Variants in ALDH1L2 observed in about 807,000 individuals in gnomAD.
The protein encoded by ALDH1L2 is aldehyde dehydrogenase 1 family member L2, also known as mitochondrial 10-formyltetrahydrofolate dehydrogenase.
ALDH1L2 carries 91 observed loss-of-function variants against 111.0 expected under a neutral mutation model. That is an observed-to-expected ratio of 0.82 (90% CI 0.69 to 0.98). ALDH1L2 has a LOEUF of 0.98. ALDH1L2 is among the 50% of genes least tolerant of loss of function. The pLI is 0.00. For missense variants in ALDH1L2, 995 were observed against 1,126.8 expected, an observed-to-expected ratio of 0.88 and a Z score of 1.67; for synonymous variants, 374 against 392.6, an observed-to-expected ratio of 0.95 and a Z score of 0.56.
Position 105,023,608 on chromosome 12 carries a change from C to T in ALDH1L2, c.*816G>A, listed in dbSNP as rs1004328972. ...GCAATGAATTCTCCTATTAAGGGTC[C>T]TGAGGAAGGCATTTACTATCCCTGT... is the stretch of plus-strand genomic sequence containing the variant. On this transcript the variant is annotated 3_prime_UTR_variant, in exon 23 of 23. Coordinates refer to ENST00000258494, the MANE Select transcript of ALDH1L2 (RefSeq NM_001034173.4). The T allele has an allele frequency of 1.3e-5, 2 of 152,062 alleles. No individual in the cohort carries two copies. The highest frequency in any genetic ancestry group is 4.8e-5 in the African/African-American group (2 of 41,388). The allele number at this position is 152,062 out of a possible 1,614,324, so 9.4% of individuals were successfully genotyped here.
chr12:105,056,893 G>C (rs1876661173), intron 10 of ALDH1L2, among the ~76,000 whole-genome samples: 1 of 151,384 alleles, frequency 6.6e-6, no homozygotes, highest in Admixed American at 6.6e-5. Context: ...GAAAGCACAA[G>C]TGGCAAAAGA....
At chr12:105,048,408 T>C (rs10746009) in intron 13 of ALDH1L2, 63,748 of 152,018 alleles carry the variant, frequency 0.42, 13,617 homozygotes, top group South Asian at 0.54. Flanking sequence ...CCTTAGCAGA[T>C]AGAGATGGCC....
In ALDH1L2 at chr12:105,058,179, A is replaced by C; in HGVS notation, c.1181T>G (p.Leu394Trp). Reference sequence around the variant, plus strand: ...GGCCATATAGACATCTTCATTCTGCAACTGAAGCCCACCACATTTCTGTCT... The same window carrying C: ...GGCCATATAGACATCTTCATTCTGCCACTGAAGCCCACCACATTTCTGTCT... ...EIRQKCGGLQ[L>W]QNEDVYMATK... Residue 394 changes from leucine (L) to tryptophan (W), a missense_variant, in exon 10 of 23, where the codon TTG (leucine) becomes TGG (tryptophan). Leu to Trp is a moderately conservative substitution (Grantham distance 61, BLOSUM62 -2). Transcript: ENST00000258494. The C allele has an allele frequency of 1.9e-6, 3 of 1,611,828 alleles. No homozygotes were observed. The highest frequency in any genetic ancestry group is 2.5e-6 in the Non-Finnish European group (3 of 1,179,188).
chr12:105,052,987 C>A, intron 10 of ALDH1L2, 56 bp from the exon 11 acceptor site: 1 of 1,583,848 alleles, frequency 6.3e-7, no homozygotes, highest in Non-Finnish European at 8.7e-7. Flanking sequence ...AATTTGATGT[C>A]AAACAGCAAT....
At position 105,062,817 on chromosome 12, in the gene ALDH1L2, T is replaced by G. The variant is rs746328683; in HGVS notation, c.921+71A>C. 4.7e-5 allele frequency: 73 copies of G among 1,539,938 alleles called. No homozygotes were observed. The Middle Eastern group carries it at 6.0e-4, about 13-fold the overall frequency. On this transcript the variant is annotated intron_variant, in intron 7 of 22. Transcript: ENST00000258494. Reference sequence around the variant, plus strand: ...CCAGCCAGCAATGGAGTGAAAGCTATTCCCTTAATAGCTTGGGTTATAGAA... The same window carrying G: ...CCAGCCAGCAATGGAGTGAAAGCTAGTCCCTTAATAGCTTGGGTTATAGAA...
At chr12:105,046,217 A>AT (rs1875888244) in intron 15 of ALDH1L2, among the ~76,000 whole-genome samples, 1 of 32,732 alleles carries the variant, frequency 3.1e-5, no homozygotes, top group East Asian at 1.0e-3. Context: ...ATATATATAT[A>AT]TATATTTTTT....
rs141957012 is a variant in ALDH1L2, at chr12:105,057,998, G to C, written c.1287+75C>G. The C allele has an allele frequency of 2.0e-4, 293 of 1,433,584 alleles. 1 individual carries two copies. In the African/African-American group the frequency reaches 3.7e-3, roughly 18 times the overall value. 88.8% of individuals were successfully genotyped at this position (1,433,584 alleles called of 1,614,324 possible). A position where few individuals can be genotyped will look rare whatever the true frequency, so the allele number is the denominator to read the frequency against. ...AAGGTCATAAATATAAAAACAAATG[G>C]GCAACAGGCACAGCAGTCTTTTATA... On this transcript the variant is annotated intron_variant, in intron 10 of 22. Transcript: ENST00000258494.
At chr12:105,065,183 T>A in intron 6 of ALDH1L2, 84 bp downstream of exon 6, 1 of 844,798 alleles carries the variant, frequency 1.2e-6, no homozygotes, top group East Asian at 3.6e-5. Context: ...GGAAGAACCA[T>A]GGGAAGCCCA....
At chr12:105,061,847 A>G in intron 7 of ALDH1L2, 95 bp from the exon 8 acceptor site, 1 of 1,429,862 alleles carries the variant, frequency 7.0e-7, no homozygotes, top group Non-Finnish European at 9.6e-7. Flanking sequence ...ATATGCATAT[A>G]AGGGCAAGTT....
At chr12:105,029,855 A>C (rs12300005) in intron 21 of ALDH1L2, among the ~76,000 whole-genome samples, 10,060 of 152,210 alleles carry the variant, frequency 0.066, 472 homozygotes, top group East Asian at 0.19. Context: ...GTAGTATCAC[A>C]AGCCAGCATG....
In ALDH1L2 at chr12:105,052,211, A is replaced by T. The variant is rs1024085294; in HGVS notation, c.1414T>A (p.Cys472Ser). ...TINPTDGSTI[C>S]KVSYASLADV... ...GCCAAAGAAGCGTAGGATACTTTGCATATTGTCTATTTCAAGGTAAGTAAA... is the reference window on the plus strand; with the variant it reads ...GCCAAAGAAGCGTAGGATACTTTGCTTATTGTCTATTTCAAGGTAAGTAAA... The change falls in exon 12 of 23, where the codon TGC becomes AGC. Residue 472 changes from cysteine to serine, a missense_variant. By Grantham distance (112) the Cys-to-Ser change is moderately radical. Transcript: ENST00000258494. The T allele has an allele frequency of 1.9e-5, 30 of 1,601,376 alleles. No homozygotes were observed. The highest frequency in any genetic ancestry group is 2.6e-5 in the Non-Finnish European group (30 of 1,175,544).
intron 15 of ALDH1L2, among the ~76,000 whole-genome samples, chr12:105,042,037 C>T (rs1243337207): frequency 6.6e-6 from 1 of 152,074 alleles, no homozygotes; most frequent in Non-Finnish European, 1.5e-5. Flanking sequence ...CGCTTCTAGG[C>T]CCTCTTAGCA....
At chr12:105,057,060 A>G (rs1876673929) in intron 10 of ALDH1L2, among the ~76,000 whole-genome samples, 5 of 151,852 alleles carry the variant, frequency 3.3e-5, no homozygotes, top group Admixed American at 3.3e-4. Context: ...CTTAAGACTC[A>G]GCAATAAAAA....
intron 2 of ALDH1L2, among the ~76,000 whole-genome samples, chr12:105,072,688 T>C (rs1473106187): frequency 6.6e-6 from 1 of 152,120 alleles, no homozygotes; most frequent in Non-Finnish European, 1.5e-5. Flanking sequence ...AAAAATGTAC[T>C]CCAGGCAGGG....
intron 15 of ALDH1L2, among the ~76,000 whole-genome samples, chr12:105,046,137 A>T (rs1875832543): frequency 8.8e-6 from 1 of 113,238 alleles, no homozygotes; most frequent in Non-Finnish European, 1.7e-5. Flanking sequence ...CTTTTCCCTC[A>T]TCTTCTACAT....
At chr12:105,039,947 G>A (rs1226821475) in intron 16 of ALDH1L2, 141 bp from the exon 17 acceptor site, 6 of 663,284 alleles carry the variant, frequency 9.0e-6, no homozygotes, top group Middle Eastern at 2.5e-4. Context: ...TGACCACCAT[G>A]GTGAAACCCT....
At chr12:105,076,739 T>A (rs1878069830) in intron 1 of ALDH1L2, among the ~76,000 whole-genome samples, 1 of 152,230 alleles carries the variant, frequency 6.6e-6, no homozygotes, top group Admixed American at 6.5e-5. Context: ...ATTATTATCA[T>A]ACCATAAGCA....
rs546965134 is a variant in ALDH1L2 at position 105,034,194 on chromosome 12, A to G, written c.2244+106T>C. On this transcript the variant is annotated intron_variant, in intron 19 of 22. Coordinates refer to ENST00000258494, the MANE Select transcript of ALDH1L2 (RefSeq NM_001034173.4). ...CTGATTTTTTTTAAAACATAACCAC[A>G]ATACTGTTATCACACCTGAAAATTC... 1,443 of 1,079,076 alleles carry G rather than the reference A, an allele frequency of 1.3e-3. 29 individuals are homozygous for G. The South Asian group carries it at 0.02, about 15-fold the overall frequency. The allele number at this position is 1,079,076 out of a possible 1,614,324, so 66.8% of individuals were successfully genotyped here. A position where few individuals can be genotyped will look rare whatever the true frequency, so the allele number is the denominator to read the frequency against.
Position 105,084,448 on chromosome 12 carries a change from G to T in ALDH1L2, c.-12C>A. 2.1e-6 allele frequency: 3 copies of T among 1,433,534 alleles called. No homozygotes were observed. Among genetic ancestry groups the T allele is most frequent in the South Asian group, 2.8e-5 (2 of 70,880 alleles). The allele number at this position is 1,433,534 out of a possible 1,614,324, so 88.8% of individuals were successfully genotyped here. A position where few individuals can be genotyped will look rare whatever the true frequency, so the allele number is the denominator to read the frequency against. On this transcript the variant is annotated 5_prime_UTR_variant, in exon 1 of 23. Transcript: ENST00000258494. ...CCCCGCCGCAGCATGCTGGAGAGGA[G>T]CGCTAGCACTGGCGACGCGGCAGCG...
Sources: allele counts gnomAD v4.1 joint callset (sites outside exome capture counted in the v4.1 genomes callset), GRCh38; gene constraint gnomAD v4.1.1; transcripts MANE v1.5; gene names NCBI Gene and HGNC (gene_info 2026-07-23, HGNC 2026-07-21).